SDHC: variants seen among roughly 807,000 people sequenced by gnomAD.
The protein encoded by SDHC is succinate dehydrogenase complex subunit C.
SDHC carries 11 observed loss-of-function variants against 22.6 expected under a neutral mutation model. The ratio of observed to expected loss-of-function variants is 0.49; its 90% CI spans 0.31 to 0.81. The LOEUF (loss-of-function observed/expected upper bound fraction) is 0.81, where lower values mean the gene tolerates loss of function less well. Among genes scored for constraint, SDHC ranks in the 30% least tolerant of loss-of-function variants. The pLI, the probability that SDHC is intolerant of heterozygous loss-of-function variation, is 0.05. For synonymous variants in SDHC, 80 were observed against 77.8 expected, an observed-to-expected ratio of 1.03 and a Z score of -0.15; for missense variants, 160 against 212.0, an observed-to-expected ratio of 0.75 and a Z score of 1.52.
chr1:161,348,873 T>C (rs750239919), intron 4 of SDHC, among the ~76,000 whole-genome samples: 4 of 151,094 alleles, frequency 2.6e-5, no homozygotes, highest in Non-Finnish European at 4.4e-5. Context: ...GGATTTTTCA[T>C]AGTGACAGAA....
intron 4 of SDHC, among the ~76,000 whole-genome samples, chr1:161,342,746 C>T (rs1026085682): frequency 2.6e-5 from 4 of 152,094 alleles, no homozygotes; most frequent in Non-Finnish European, 4.4e-5. Flanking sequence ...CTGCCCGCCT[C>T]GGCCTCCCAA....
intron 3 of SDHC, among the ~76,000 whole-genome samples, chr1:161,340,147 G>A (rs1671668637): frequency 6.6e-6 from 1 of 152,036 alleles, no homozygotes; most frequent in East Asian, 1.9e-4. Context: ...AAATTAGGCG[G>A]ACCTGGTGGC....
intron 5 of SDHC, among the ~76,000 whole-genome samples, chr1:161,361,637 A>G (rs1038959852): frequency 6.6e-6 from 1 of 152,216 alleles, no homozygotes; most frequent in African/African-American, 2.4e-5. Context: ...CAGGAGATCA[A>G]GACCATCCTG....
At chr1:161,333,940 C>T (rs1040463886) in intron 3 of SDHC, among the ~76,000 whole-genome samples, 4 of 152,184 alleles carry the variant, frequency 2.6e-5, no homozygotes, top group East Asian at 1.9e-4. Context: ...TTTGGGTATT[C>T]GTTACAGCTG....
Position 161,360,324 on chromosome 1 carries a change from G to A in SDHC, c.406-2005G>A, listed in dbSNP as rs1460415248. Among the ~76,000 whole-genome samples, 5 of 152,194 alleles carry A rather than the reference G, an allele frequency of 3.3e-5. No homozygotes were observed. In the East Asian group the frequency reaches 9.6e-4, roughly 29 times the overall value. On this transcript the variant is annotated intron_variant, in intron 5 of 5. Coordinates refer to ENST00000367975, the MANE Select transcript of SDHC (RefSeq NM_003001.5). Reference sequence around the variant, plus strand: ...AACCCTAGCACTTTGGGAGGCCAAGGCAGGTGAATTGCTTGAGCTCAGGAG... The same window carrying A: ...AACCCTAGCACTTTGGGAGGCCAAGACAGGTGAATTGCTTGAGCTCAGGAG...
At chr1:161,325,037 C>CAAAAAATTAAAAAAT (rs1413456944) in intron 2 of SDHC, among the ~76,000 whole-genome samples, 1 of 148,454 alleles carries the variant, frequency 6.7e-6, no homozygotes. Context: ...CCAGTCTCTA[C>CAAAAAATTAAAAAAT]AAAAAATTAA....
intron 3 of SDHC, among the ~76,000 whole-genome samples, chr1:161,335,348 G>T (rs554541542): frequency 1.3e-5 from 2 of 152,004 alleles, no homozygotes; most frequent in Admixed American, 1.3e-4. Context: ...ATATTTTGGC[G>T]GGAGATACTT....
In SDHC at chr1:161,317,529, TTG is replaced by T. The variant is rs138977321; in HGVS notation, c.20+3123_20+3124del. On this transcript the variant is annotated intron_variant, in intron 1 of 5. Transcript: ENST00000367975. ...TTTTCAAGTATGCAATGCCTTGGTT[TTG>T]TGTGTGTGTGTGTGTGTGGTTTTTT... is the stretch of plus-strand genomic sequence containing the variant. 9.6e-3 allele frequency among the ~76,000 whole-genome samples: 1,262 copies of T among 131,892 alleles called. 18 individuals carry two copies. The highest frequency in any genetic ancestry group is 0.018 in the East Asian group (78 of 4,440). The allele number at this position is 131,892 out of a possible 152,430, so 86.5% of individuals were successfully genotyped here.
At chr1:161,316,055 C>G (rs1452695864) in intron 1 of SDHC, among the ~76,000 whole-genome samples, 1 of 152,174 alleles carries the variant, frequency 6.6e-6, no homozygotes, top group Non-Finnish European at 1.5e-5. Flanking sequence ...GCCCACATGT[C>G]CCATCTCCAG....
intron 1 of SDHC, among the ~76,000 whole-genome samples, chr1:161,316,190 C>T (rs1670607422): frequency 6.6e-6 from 1 of 152,142 alleles, no homozygotes; most frequent in East Asian, 1.9e-4. Context: ...TGCAAAGAGG[C>T]GTTCCTTCCT....
At chr1:161,340,257 C>T (rs150501323) in intron 3 of SDHC, among the ~76,000 whole-genome samples, 1,918 of 151,958 alleles carry the variant, frequency 0.013, 42 homozygotes, top group African/African-American at 0.041. Flanking sequence ...GCATGGGACT[C>T]CAGCCTGGGT....
chr1:161,327,855 C>T (rs947401603), intron 2 of SDHC, among the ~76,000 whole-genome samples: 1 of 151,946 alleles, frequency 6.6e-6, no homozygotes, highest in East Asian at 1.9e-4. Flanking sequence ...AGCCACTGTG[C>T]GTGGCCTATT....
chr1:161,325,974 C>T (rs1013886605), intron 2 of SDHC, among the ~76,000 whole-genome samples: 1 of 152,066 alleles, frequency 6.6e-6, no homozygotes, highest in Admixed American at 6.6e-5. Context: ...CCGAGGCAGG[C>T]AGATCACGAG....
chr1:161,338,193 G>A (rs1405835282), intron 3 of SDHC, among the ~76,000 whole-genome samples: 1 of 152,088 alleles, frequency 6.6e-6, no homozygotes. Context: ...GTTGATCAGA[G>A]TGGTATGTGG....
chr1:161,323,159 T>C (rs1238275561), intron 1 of SDHC, among the ~76,000 whole-genome samples: 9 of 151,994 alleles, frequency 5.9e-5, no homozygotes. Flanking sequence ...CCACCACGCC[T>C]GGCTAATTTT....
intron 4 of SDHC, among the ~76,000 whole-genome samples, chr1:161,341,852 G>A (rs16832835): frequency 0.12 from 17,767 of 151,680 alleles, 1,412 homozygotes; most frequent in African/African-American, 0.22. Flanking sequence ...TGGATTGTCT[G>A]TTCCCTGAGG....
Position 161,348,125 on chromosome 1 carries a change from A to G in SDHC, c.241+7470A>G, listed in dbSNP as rs556608985. Among the ~76,000 whole-genome samples, 15 of 152,288 alleles carry G rather than the reference A, an allele frequency of 9.8e-5. No homozygotes were observed. The South Asian group carries it at 2.5e-3, about 25-fold the overall frequency. ...GTTAACACTAGTTTGACTTTAAAAT[A>G]GAATTTATTAAAAAGAAACTTGACA... On this transcript the variant is annotated intron_variant, in intron 4 of 5. Coordinates refer to ENST00000367975, the MANE Select transcript of SDHC (RefSeq NM_003001.5).
intron 2 of SDHC, 130 bp downstream of exon 2, chr1:161,323,800 A>G (rs1670939782): frequency 3.3e-6 from 2 of 605,820 alleles, no homozygotes; most frequent in East Asian, 7.0e-5. Context: ...GGTTCACGCC[A>G]TTCTCCTGCC....
At position 161,355,839 on chromosome 1, in the gene SDHC, C is replaced by T. The variant is rs940533481; in HGVS notation, c.242-838C>T. 5.9e-5 allele frequency among the ~76,000 whole-genome samples: 9 copies of T among 151,710 alleles called. No homozygotes were observed. The South Asian group carries it at 6.2e-4, about 11-fold the overall frequency. ...TCTCTACTAAAAATGCAAAAATTAGCGAGGCATGGTGGCATGCATCTATAA... is the reference window on the plus strand; with the variant it reads ...TCTCTACTAAAAATGCAAAAATTAGTGAGGCATGGTGGCATGCATCTATAA... On this transcript the variant is annotated intron_variant, in intron 4 of 5. Transcript: ENST00000367975.
Sources: gnomAD v4.1 joint callset for allele counts (sites outside exome capture counted in the v4.1 genomes callset) on GRCh38, gnomAD v4.1.1 for gene constraint, MANE v1.5 for transcripts, NCBI Gene and HGNC (gene_info 2026-07-23, HGNC 2026-07-21) for gene names.